Variants in GMEB2 observed in about 807,000 individuals in gnomAD.
GMEB2 encodes the protein glucocorticoid modulatory element binding protein 2, also known as glucocorticoid modulatory element-binding protein 2.
In GMEB2, 7 loss-of-function variants were observed where a neutral mutation model predicts 45.7. That is an observed-to-expected ratio of 0.15 (90% CI 0.09 to 0.29). GMEB2 has a LOEUF of 0.29. GMEB2 is among the 10% of genes least tolerant of loss of function. The probability of loss-of-function intolerance (pLI) is 1.00; values close to 1 mark genes in which losing one functional copy is unlikely to be tolerated. For missense variants in GMEB2, 582 were observed against 739.2 expected (o/e 0.79, Z 2.47); for synonymous variants, 322 against 323.6 (o/e 1.00, Z 0.05).
At chr20:63,595,502 T>C in intron 6 of GMEB2, 108 bp downstream of exon 6, 3 of 985,482 alleles carry the variant, frequency 3.0e-6, no homozygotes, top group South Asian at 3.2e-5. Flanking sequence ...CCGGCAGTCC[T>C]GGCGTGAGCA....
chr20:63,624,035 G>A (rs746446006), intron 1 of GMEB2, among the ~76,000 whole-genome samples: 19 of 151,886 alleles, frequency 1.3e-4, no homozygotes, highest in Middle Eastern at 3.4e-3. Flanking sequence ...GCTTGAACCC[G>A]GGAGGCAGAG....
chr20:63,622,875 G>A (rs78347540), intron 1 of GMEB2, among the ~76,000 whole-genome samples: 2,453 of 152,310 alleles, frequency 0.016, 32 homozygotes, highest in Middle Eastern at 0.071. Flanking sequence ...GGTACCACCC[G>A]CAGCAAAGAC....
intron 3 of GMEB2, among the ~76,000 whole-genome samples, chr20:63,603,972 T>C (rs1003486281): frequency 6.6e-6 from 1 of 151,038 alleles, no homozygotes; most frequent in Non-Finnish European, 1.5e-5. Flanking sequence ...GAGAAGTGCT[T>C]GAACCTGCAG....
chr20:63,598,343 G>GACAC (rs67747559), intron 4 of GMEB2, among the ~76,000 whole-genome samples: 15,330 of 146,062 alleles, frequency 0.1, 1,735 homozygotes, highest in African/African-American at 0.29. Flanking sequence ...CTCTCACTCT[G>GACAC]ACACACACAC....
chr20:63,590,793 TG>T, intron 9 of GMEB2, 64 bp from the exon 10 acceptor site: 2 of 941,914 alleles, frequency 2.1e-6, no homozygotes, highest in Non-Finnish European at 1.5e-6. Context: ...ATGCAGGGGA[TG>T]GGGGCAGACA....
intron 2 of GMEB2, among the ~76,000 whole-genome samples, chr20:63,608,930 G>C (rs79076197): frequency 0.032 from 328 of 10,240 alleles, 26 homozygotes; most frequent in Non-Finnish European, 0.095. Flanking sequence ...ACATGCCCCT[G>C]TGACCCCACC....
In GMEB2 at chr20:63,599,125, C is replaced by G. The variant is rs560975740; in HGVS notation, c.358-1265G>C. Among the ~76,000 whole-genome samples the G allele has an allele frequency of 2.6e-5, 4 of 152,328 alleles. No homozygotes were observed. In the South Asian group the frequency reaches 8.3e-4, roughly 32 times the overall value. ...GAGCCCAGAGCTAACGCGGCCACTC[C>G]TGACCCCCCAGAGCTAACGCAGCCG... On this transcript the variant is annotated intron_variant, in intron 4 of 9. Coordinates refer to ENST00000370077, the MANE Select transcript of GMEB2 (RefSeq NM_012384.5).
At chr20:63,610,397 T>C (rs1162854796) in intron 2 of GMEB2, among the ~76,000 whole-genome samples, 1 of 152,068 alleles carries the variant, frequency 6.6e-6, no homozygotes, top group East Asian at 1.9e-4. Context: ...GGCGGGCGCC[T>C]GTAGGCCCAG....
At chr20:63,610,914 G>A (rs1227224357) in intron 2 of GMEB2, among the ~76,000 whole-genome samples, 2 of 152,216 alleles carry the variant, frequency 1.3e-5, no homozygotes, top group Admixed American at 6.5e-5. Flanking sequence ...CTCTCCTCCT[G>A]CTAAGCACAC....
Position 63,592,412 on chromosome 20 carries a change from C to A in GMEB2, c.829+121G>T. On this transcript the variant is annotated intron_variant, in intron 8 of 9. Transcript: ENST00000370077. This position sits in a 1 kb window ranked among gnomAD's most constrained non-coding sequence, Gnocchi z 8.2. The stretch of plus-strand genomic sequence containing the variant: ...CCTCAGCACAGCAGGAGTCCCAAGC[C>A]TAGATTCAGCCTCCAACCCAGCAGC... 1 of 753,152 alleles carries A rather than the reference C, an allele frequency of 1.3e-6. No homozygotes were observed. Among genetic ancestry groups the A allele is most frequent in the Admixed American group, 2.8e-5 (1 of 36,030 alleles). 46.7% of individuals were successfully genotyped at this position (753,152 alleles called of 1,614,324 possible).
chr20:63,614,982 A>G (rs1293889027), intron 2 of GMEB2, among the ~76,000 whole-genome samples: 1 of 152,126 alleles, frequency 6.6e-6, no homozygotes, highest in East Asian at 1.9e-4. Flanking sequence ...GTGGTCCCCC[A>G]GGCCCAGCTG....
rs949673227 is a variant in GMEB2, at chr20:63,624,152, C to T, written c.-58+2804G>A. ...AAAAATTTGGCCAGGCGTGGTGGCTCACGCCTGTAATCCCATCACTTTGGA... is the reference window on the plus strand; with the variant it reads ...AAAAATTTGGCCAGGCGTGGTGGCTTACGCCTGTAATCCCATCACTTTGGA... On this transcript the variant is annotated intron_variant, in intron 1 of 9. Coordinates refer to ENST00000370077, the MANE Select transcript of GMEB2 (RefSeq NM_012384.5). 2.6e-5 allele frequency among the ~76,000 whole-genome samples: 4 copies of T among 151,434 alleles called. No individual in the cohort carries two copies. The South Asian group carries it at 8.3e-4, about 32-fold the overall frequency.
At chr20:63,616,978 GTT>G (rs756258226) in intron 2 of GMEB2, among the ~76,000 whole-genome samples, 2 of 144,914 alleles carry the variant, frequency 1.4e-5, no homozygotes, top group Non-Finnish European at 1.5e-5. Context: ...CCTTCTGGTG[GTT>G]TTTTTTTTTT....
chr20:63,616,273 G>A (rs749262523), intron 2 of GMEB2, among the ~76,000 whole-genome samples: 2 of 151,842 alleles, frequency 1.3e-5, no homozygotes, highest in African/African-American at 2.4e-5. Flanking sequence ...GTGAAACCCC[G>A]TCTCTACTAA....
intron 4 of GMEB2, among the ~76,000 whole-genome samples, chr20:63,599,194 G>A (rs1276085991): frequency 2.0e-5 from 3 of 146,892 alleles, no homozygotes; most frequent in South Asian, 2.2e-4. Flanking sequence ...CTGACCCCCC[G>A]GAGCTAACGT....
At chr20:63,610,893 G>C (rs1324396915) in intron 2 of GMEB2, among the ~76,000 whole-genome samples, 1 of 152,146 alleles carries the variant, frequency 6.6e-6, no homozygotes, top group Non-Finnish European at 1.5e-5. Context: ...GAGGCCCTAC[G>C]AGGACTCTGG....
intron 3 of GMEB2, among the ~76,000 whole-genome samples, chr20:63,603,309 C>T (rs1356705103): frequency 1.3e-5 from 2 of 152,168 alleles, no homozygotes; most frequent in African/African-American, 4.8e-5. Flanking sequence ...AATATCGTTA[C>T]ATTAACAGAA....
rs554782325 is a variant in GMEB2 at position 63,590,430 on chromosome 20, G to A, written c.1252C>T (p.Pro418Ser). The stretch of plus-strand genomic sequence containing the variant: ...GGGGAGGCCGGGGAGCTGGCGGGGG[G>A]CGCCTGAAGGGAACCCTTGCCCAGG... Reference protein sequence around the residue: ...TVLGKGSLQAPPASSPASPLL... With the variant: ...TVLGKGSLQASPASSPASPLL... The change falls in exon 10 of 10, where the codon CCC becomes TCC. Residue 418 changes from proline to serine, a missense_variant. This residue lies in a region of GMEB2 where 462 missense variants were observed against 586.7 expected (regional missense o/e 0.79). Transcript: ENST00000370077. The A allele has an allele frequency of 1.3e-6, 2 of 1,551,092 alleles. No individual in the cohort carries two copies. The highest frequency in any genetic ancestry group is 1.9e-5 in the Admixed American group (1 of 52,006).
chr20:63,596,617 T>C (rs2083202495), intron 5 of GMEB2, among the ~76,000 whole-genome samples: 1 of 152,206 alleles, frequency 6.6e-6, no homozygotes, highest in East Asian at 1.9e-4. Context: ...CCAGGGCTAG[T>C]CACTCGTGAG....
Sources: gnomAD v4.1 joint callset for allele counts (sites outside exome capture counted in the v4.1 genomes callset) on GRCh38, gnomAD v4.1.1 for gene constraint, gnomAD v4.1.1 regional missense constraint, Gnocchi (gnomAD v3.1) non-coding constraint, MANE v1.5 for transcripts, NCBI Gene and HGNC (gene_info 2026-07-23, HGNC 2026-07-21) for gene names.